The following SOAT2 variants were observed in gnomAD, a reference collection of about 807,000 sequenced individuals.
SOAT2 encodes the protein ACAT-2.
SOAT2 carries 87 observed loss-of-function variants against 76.0 expected under a neutral mutation model. That is an observed-to-expected ratio of 1.14 (90% CI 0.96 to 1.37). The LOEUF (loss-of-function observed/expected upper bound fraction) is 1.37. SOAT2 is among the 40% of genes most tolerant of loss of function. The pLI, the probability that SOAT2 is intolerant of heterozygous loss-of-function variation, is 0.00. For synonymous variants in SOAT2, 285 were observed against 275.4 expected (o/e 1.03, Z -0.34); for missense variants, 686 against 682.1 (o/e 1.01, Z -0.06).
chr12:53,124,203 G>T lies in SOAT2; in HGVS notation c.*80G>T, dbSNP rs1938241042. 1.7e-5 allele frequency: 26 copies of T among 1,518,692 alleles called. No homozygotes were observed. The highest frequency in any genetic ancestry group is 2.4e-5 in the Non-Finnish European group (26 of 1,094,860). The allele number at this position is 1,518,692 out of a possible 1,614,324, so 94.1% of individuals were successfully genotyped here. On this transcript the variant is annotated 3_prime_UTR_variant, in exon 15 of 15. Transcript: ENST00000301466. ...AAACCTGGGACCAGGACTCCTGTCT[G>T]CATTCCCAAATTTGGCTCTGAGTCG...
intron 5 of SOAT2, among the ~76,000 whole-genome samples, chr12:53,107,008 G>A (rs1937946316): frequency 6.6e-6 from 1 of 152,008 alleles, no homozygotes; most frequent in Non-Finnish European, 1.5e-5. Flanking sequence ...ACTCTTGGTG[G>A]GCTTTTGTTA....
rs1304115902 is a variant in SOAT2, at chr12:53,119,250, C to A, written c.1036C>A (p.Pro346Thr). Residue 346 changes from proline (P) to threonine (T), a missense_variant, in exon 10 of 15, where the codon CCA becomes ACA. By Grantham distance (38) the Pro-to-Thr change is conservative. Transcript: ENST00000301466. ...GCTCTCTATCCTGCATGCCACGTTG[C>A]CAGGTGAGCCAACTAAGGTAGGGCT... Reference protein sequence around the residue: ...LVLSILHATLPGIFMLLLIFF... With the variant: ...LVLSILHATLTGIFMLLLIFF... 1 of 1,613,880 alleles carries A rather than the reference C, an allele frequency of 6.2e-7. No individual in the cohort carries two copies. The highest frequency in any genetic ancestry group is 2.2e-5 in the East Asian group (1 of 44,880).
Position 53,120,877 on chromosome 12 carries a change from C to G in SOAT2, c.1131C>G (p.Phe377Leu), listed in dbSNP as rs1938180564. Residue 377 changes from phenylalanine (F) to leucine (L), a missense_variant, in exon 11 of 15, where the codon TTC becomes TTG. Phe to Leu is a conservative substitution (Grantham distance 22). Transcript: ENST00000301466. ...AEMLRFGDRM[F>L]YRDWWNSTSF... Reference sequence around the variant, plus strand: ...TGCTACGATTTGGAGACAGGATGTTCTACCGGGTGGGGCCTGGACCTAGGC... The same window carrying G: ...TGCTACGATTTGGAGACAGGATGTTGTACCGGGTGGGGCCTGGACCTAGGC... 1 of 1,613,456 alleles carries G rather than the reference C, an allele frequency of 6.2e-7. No individual in the cohort carries two copies. Among genetic ancestry groups the G allele is most frequent in the South Asian group, 1.1e-5 (1 of 91,058 alleles).
chr12:53,120,754 C>T, intron 10 of SOAT2, 32 bp from the exon 11 acceptor site: 1 of 1,560,700 alleles, frequency 6.4e-7, no homozygotes, highest in Admixed American at 1.7e-5. Context: ...GTGGGCCAGC[C>T]TGACCTGCAG....
intron 5 of SOAT2, among the ~76,000 whole-genome samples, chr12:53,111,962 T>C (rs951676566): frequency 6.6e-6 from 1 of 152,222 alleles, no homozygotes; most frequent in Non-Finnish European, 1.5e-5. Flanking sequence ...GGCATGCCAA[T>C]AGAAGTACAT....
intron 12 of SOAT2, 119 bp downstream of exon 12, chr12:53,121,520 GT>G: frequency 1.3e-6 from 1 of 766,858 alleles, no homozygotes; most frequent in Non-Finnish European, 2.2e-6. Flanking sequence ...CCTAAGGGCC[GT>G]TTTGATTTCA....
In SOAT2 at chr12:53,105,610, T is replaced by A. The variant is rs1280355787; in HGVS notation, c.325T>A (p.Ser109Thr). The change falls in exon 4 of 15, where the codon TCC (serine) becomes ACC (threonine). Residue 109 changes from serine (S) to threonine (T), a missense_variant. By Grantham distance (58) the Ser-to-Thr change is moderately conservative. Coordinates refer to ENST00000301466, the MANE Select transcript of SOAT2 (RefSeq NM_003578.4). ...ACAGAAAGTTTTCATCATCCGCAAG[T>A]CCCTGCTTGAGTAAGTCGGGGTGAT... ...GKQKVFIIRK[S>T]LLDELMEVQH... is the part of the protein sequence containing the mutation. 1.2e-6 allele frequency: 2 copies of A among 1,610,360 alleles called. No homozygotes were observed. Among genetic ancestry groups the A allele is most frequent in the Non-Finnish European group, 1.7e-6 (2 of 1,177,990 alleles).
Position 53,119,113 on chromosome 12 carries a change from G to A in SOAT2, c.910-11G>A, listed in dbSNP as rs4151119. 9 of 1,613,842 alleles carry A rather than the reference G, an allele frequency of 5.6e-6. No individual in the cohort carries two copies. The highest frequency in any genetic ancestry group is 3.3e-5 in the Admixed American group (2 of 59,998). ...TCCCTCTCCAGTTATGTGTCCCCAT[G>A]CCCCCTCCAGGCCCTGGGATGTGTG... is the stretch of plus-strand genomic sequence containing the variant. On this transcript the variant is annotated splice_polypyrimidine_tract_variant and intron_variant, in intron 9 of 14. Transcript: ENST00000301466.
At chr12:53,120,221 G>A (rs1349342124) in intron 10 of SOAT2, among the ~76,000 whole-genome samples, 9 of 152,080 alleles carry the variant, frequency 5.9e-5, no homozygotes, top group African/African-American at 1.9e-4. Context: ...TGTAATCCCA[G>A]CACTTTGGGA....
intron 5 of SOAT2, among the ~76,000 whole-genome samples, chr12:53,112,545 C>CAAAAAAAAA (rs71095977): frequency 7.7e-4 from 45 of 58,204 alleles, no homozygotes; most frequent in African/African-American, 2.5e-3. Flanking sequence ...AACTCTGTCT[C>CAAAAAAAAA]AAAAAAAAAA....
Position 53,115,502 on chromosome 12 carries a change from C to A in SOAT2, c.556C>A (p.Arg186=). The change falls in exon 6 of 15, where the codon CGG becomes AGG. Residue 186 remains arginine, a synonymous_variant. Coordinates refer to ENST00000301466, the MANE Select transcript of SOAT2 (RefSeq NM_003578.4). The part of the protein sequence containing the change: ...STLLAPYQAL[R]LWARGTWTQA... ...CCTGTTGGCGCCGTACCAGGCCCTA[C>A]GGCTGTGGGCCAGGGGCACCTGGAC... The A allele has an allele frequency of 6.2e-7, 1 of 1,609,210 alleles. No homozygotes were observed. Among genetic ancestry groups the A allele is most frequent in the African/African-American group, 1.3e-5 (1 of 75,060 alleles).
intron 4 of SOAT2, 29 bp from the exon 5 acceptor site, chr12:53,105,878 C>T: frequency 7.6e-7 from 1 of 1,318,450 alleles, no homozygotes; most frequent in Non-Finnish European, 9.9e-7. Context: ...GACCCTCCCA[C>T]ACTGACTTTC....
Position 53,123,989 on chromosome 12 carries a change from G to A in SOAT2, c.1519-84G>A, listed in dbSNP as rs577493337. On this transcript the variant is annotated intron_variant, in intron 14 of 14. Coordinates refer to ENST00000301466, the MANE Select transcript of SOAT2 (RefSeq NM_003578.4). ...CAGTCAGGCACCAGGGCCTGGCTTG[G>A]GGGTGATGGACTCTCACGTCTTGGA... 151 of 1,604,000 alleles carry A rather than the reference G, an allele frequency of 9.4e-5. No homozygotes were observed. In the African/African-American group the frequency reaches 1.7e-3, roughly 18 times the overall value.
At chr12:53,106,038 C>G (rs1317328543) in intron 5 of SOAT2, 24 bp downstream of exon 5, 3 of 1,531,928 alleles carry the variant, frequency 2.0e-6, no homozygotes, top group African/African-American at 2.7e-5. Flanking sequence ...CCACCTGGGA[C>G]AGGCACACCT....
intron 7 of SOAT2, 106 bp from the exon 8 acceptor site, chr12:53,118,244 C>T: frequency 1.9e-6 from 1 of 522,870 alleles, no homozygotes; most frequent in Non-Finnish European, 3.5e-6. Flanking sequence ...CACCCCCACC[C>T]TATCCATTTC....
At chr12:53,116,853 C>CT (rs972437536) in intron 7 of SOAT2, among the ~76,000 whole-genome samples, 13 of 151,320 alleles carry the variant, frequency 8.6e-5, no homozygotes, top group Admixed American at 4.0e-4. Context: ...GGGCAACAGA[C>CT]TGAGATCCCA....
At chr12:53,103,719 G>C in intron 1 of SOAT2, 60 bp downstream of exon 1, 1 of 1,315,404 alleles carries the variant, frequency 7.6e-7, no homozygotes, top group East Asian at 2.5e-5. Flanking sequence ...GGGGAGAGAT[G>C]CGCTATGGAG....
At chr12:53,107,622 C>CTTTTTTTTATTTTTTTTTTTTTTT (rs1937954492) in intron 5 of SOAT2, among the ~76,000 whole-genome samples, 1 of 117,036 alleles carries the variant, frequency 8.5e-6, no homozygotes, top group African/African-American at 3.7e-5. Flanking sequence ...AACAGATGTA[C>CTTTTTTTTATTTTTTTTTTTTTTT]TTTTTTTTTT....
chr12:53,118,339 T>C lies in SOAT2; in HGVS notation c.779-11T>C, dbSNP rs1471383028. Reference sequence around the variant, plus strand: ...TGCCCTTACTAATCCACCCCTCTCATTCCTCCCCAGGTGAGGGGATCCAGG... The same window carrying C: ...TGCCCTTACTAATCCACCCCTCTCACTCCTCCCCAGGTGAGGGGATCCAGG... On this transcript the variant is annotated splice_polypyrimidine_tract_variant and intron_variant, in intron 7 of 14. Transcript: ENST00000301466. The C allele has an allele frequency of 6.9e-7, 1 of 1,439,800 alleles. No individual in the cohort carries two copies. Among genetic ancestry groups the C allele is most frequent in the African/African-American group, 1.4e-5 (1 of 69,352 alleles). The allele number at this position is 1,439,800 out of a possible 1,614,324, so 89.2% of individuals were successfully genotyped here. A position where few individuals can be genotyped will look rare whatever the true frequency, so the allele number is the denominator to read the frequency against.
Sources: gnomAD v4.1 joint callset for allele counts (sites outside exome capture counted in the v4.1 genomes callset) on GRCh38, gnomAD v4.1.1 for gene constraint, MANE v1.5 for transcripts, NCBI Gene and HGNC (gene_info 2026-07-23, HGNC 2026-07-21) for gene names.